PCP4L1: variants seen among roughly 807,000 people sequenced by gnomAD.
The protein encoded by PCP4L1 is Purkinje cell protein 4 like 1.
Under a neutral mutation model 9.6 loss-of-function variants are expected in PCP4L1, and 9 were observed. That is an observed-to-expected ratio of 0.94 (90% CI 0.57 to 1.64). The LOEUF (loss-of-function observed/expected upper bound fraction) is 1.64. Ranked by LOEUF, PCP4L1 falls within the 40% of genes most tolerant of loss-of-function variation. The pLI is 0.00. For missense variants in PCP4L1, 81 were observed against 80.8 expected, an observed-to-expected ratio of 1.00 and a Z score of -0.01; for synonymous variants, 31 against 28.2, an observed-to-expected ratio of 1.10 and a Z score of -0.31.
intron 1 of PCP4L1, among the ~76,000 whole-genome samples, chr1:161,281,670 C>G (rs201591090): frequency 1.4e-5 from 2 of 144,752 alleles, no homozygotes. Flanking sequence ...ACTTCCCAGA[C>G]GGGGTGGCTG....
chr1:161,272,757 GGGAAGCTTTATATGTGAGAGA>G (rs1363301242), intron 1 of PCP4L1, among the ~76,000 whole-genome samples: 15 of 151,894 alleles, frequency 9.9e-5, no homozygotes, highest in African/African-American at 3.1e-4. Flanking sequence ...TAAGGAGAGA[GGGAAGCTTTATATGTGAGAGA>G]GTAAAGGGAA....
intron 1 of PCP4L1, among the ~76,000 whole-genome samples, chr1:161,283,230 C>G (rs907124981): frequency 6.6e-6 from 1 of 152,208 alleles, no homozygotes; most frequent in African/African-American, 2.4e-5. Context: ...GCCTTACTTC[C>G]TCATCTCCTT....
intron 1 of PCP4L1, among the ~76,000 whole-genome samples, chr1:161,276,255 A>C (rs1223982529): frequency 2.0e-5 from 3 of 152,166 alleles, no homozygotes; most frequent in Non-Finnish European, 4.4e-5. Context: ...AAGAGTAACA[A>C]CTGGGTCAGT....
chr1:161,260,791 C>T (rs140136476), intron 1 of PCP4L1, among the ~76,000 whole-genome samples: 4 of 152,304 alleles, frequency 2.6e-5, no homozygotes, highest in Admixed American at 1.3e-4. Flanking sequence ...GAAGGATCCA[C>T]GGATGGAGAC....
intron 1 of PCP4L1, among the ~76,000 whole-genome samples, chr1:161,281,868 T>C (rs374849112): frequency 7.3e-6 from 1 of 136,482 alleles, no homozygotes; most frequent in Non-Finnish European, 1.6e-5. Flanking sequence ...AGACGATGGG[T>C]GGCCGGGCAG....
chr1:161,258,920 G>T lies in PCP4L1; in HGVS notation c.-55G>T. ...AGCTGTCGCCCGCGGAGCCCCGAGG[G>T]CCACTCGCCTCACCTGTGCGTGCAG... is the stretch of plus-strand genomic sequence containing the variant. On this transcript the variant is annotated 5_prime_UTR_variant, in exon 1 of 3. Transcript: ENST00000504449. 3.3e-6 allele frequency: 5 copies of T among 1,535,088 alleles called. No individual in the cohort carries two copies. Among genetic ancestry groups the T allele is most frequent in the East Asian group, 2.4e-5 (1 of 40,864 alleles).
At chr1:161,273,722 G>C (rs574147775) in intron 1 of PCP4L1, among the ~76,000 whole-genome samples, 10 of 152,326 alleles carry the variant, frequency 6.6e-5, no homozygotes, top group African/African-American at 2.4e-4. Context: ...CAGAATCAGG[G>C]TGATTAGATC....
intron 1 of PCP4L1, among the ~76,000 whole-genome samples, chr1:161,279,505 A>T (rs1468376462): frequency 1.3e-5 from 2 of 152,230 alleles, no homozygotes; most frequent in Admixed American, 6.5e-5. Context: ...GAAACAGCAT[A>T]ATCTACAGAA....
chr1:161,272,297 C>T (rs981522280), intron 1 of PCP4L1, among the ~76,000 whole-genome samples: 2 of 150,924 alleles, frequency 1.3e-5, no homozygotes, highest in Non-Finnish European at 2.9e-5. Flanking sequence ...CAGTGGCTCA[C>T]GCCTGTAATC....
chr1:161,281,464 G>C (rs554216668), intron 1 of PCP4L1, among the ~76,000 whole-genome samples: 1 of 150,492 alleles, frequency 6.6e-6, no homozygotes, highest in Non-Finnish European at 1.5e-5. Flanking sequence ...CTGGCCAGGC[G>C]GAGGCGCCCC....
chr1:161,284,978 C>T lies in PCP4L1; in HGVS notation c.*497C>T, dbSNP rs559142002. The T allele has an allele frequency of 1.5e-3, 238 of 159,852 alleles. 2 individuals are homozygous for T. Among genetic ancestry groups the T allele is most frequent in the Non-Finnish European group, 2.8e-3 (203 of 72,088 alleles). 9.9% of individuals were successfully genotyped at this position (159,852 alleles called of 1,614,324 possible). On this transcript the variant is annotated 3_prime_UTR_variant, in exon 3 of 3. Transcript: ENST00000504449. ...TAAGCCACAGTGGGGACTGGAGCCT[C>T]GTTTTCCCCCTAGGCAGACCTAAAT...
intron 2 of PCP4L1, 132 bp downstream of exon 2, chr1:161,283,854 C>A: frequency 1.1e-6 from 1 of 891,980 alleles, no homozygotes; most frequent in Non-Finnish European, 1.7e-6. Context: ...AACAAAGTAC[C>A]AGTTTGGAAC....
chr1:161,259,069 C>A (rs1008296464), intron 1 of PCP4L1, 86 bp downstream of exon 1: 3 of 1,489,202 alleles, frequency 2.0e-6, no homozygotes, highest in Non-Finnish European at 2.7e-6. Flanking sequence ...CGAGGGAGAG[C>A]GAGGCAGACC....
At chr1:161,282,836 T>C (rs1379579912) in intron 1 of PCP4L1, among the ~76,000 whole-genome samples, 1 of 152,156 alleles carries the variant, frequency 6.6e-6, no homozygotes, top group African/African-American at 2.4e-5. Flanking sequence ...ACAAATCATA[T>C]TGGTCATAGC....
intron 1 of PCP4L1, among the ~76,000 whole-genome samples, chr1:161,259,448 T>G (rs1669382527): frequency 6.6e-6 from 1 of 152,166 alleles, no homozygotes. Context: ...GTGCCCCTTT[T>G]AGAAAGGTGG....
Position 161,284,580 on chromosome 1 carries a change from T to C in PCP4L1, c.*99T>C, listed in dbSNP as rs1669877296. The C allele has an allele frequency of 1.4e-6, 2 of 1,479,498 alleles. No individual in the cohort carries two copies. The highest frequency in any genetic ancestry group is 1.3e-5 in the South Asian group (1 of 75,736). 91.6% of individuals were successfully genotyped at this position (1,479,498 alleles called of 1,614,324 possible). ...TATCCCTTGTCCCTCTAGCCTTTCC[T>C]TGAGGCAAGTTCAACCTTTATATAC... is the stretch of plus-strand genomic sequence containing the variant. On this transcript the variant is annotated 3_prime_UTR_variant, in exon 3 of 3. Transcript: ENST00000504449.
At chr1:161,264,526 A>G (rs35477081) in intron 1 of PCP4L1, among the ~76,000 whole-genome samples, 16,648 of 151,350 alleles carry the variant, frequency 0.11, 1,242 homozygotes, top group Non-Finnish European at 0.16. Context: ...GAAAAAAAAG[A>G]AAAAGAAATA....
chr1:161,260,841 A>C (rs1669405076), intron 1 of PCP4L1, among the ~76,000 whole-genome samples: 1 of 152,198 alleles, frequency 6.6e-6, no homozygotes, highest in African/African-American at 2.4e-5. Context: ...CTAGGCTATC[A>C]GAGCAAACTG....
In PCP4L1 at chr1:161,281,809, TCCTCACATCCCGGACGGGGCGGC is replaced by T. The variant is rs1669817771; in HGVS notation, c.10-1858_10-1836del. 6.2e-4 allele frequency among the ~76,000 whole-genome samples: 28 copies of T among 45,358 alleles called. 1 individual carries two copies. Among genetic ancestry groups the T allele is most frequent in the African/African-American group, 3.5e-3 (27 of 7,788 alleles). The allele number at this position is 45,358 out of a possible 152,430, so 29.8% of individuals were successfully genotyped here. A position where few individuals can be genotyped will look rare whatever the true frequency, so the allele number is the denominator to read the frequency against. The stretch of plus-strand genomic sequence containing the variant: ...GGACGGGGCGGCGGGGCAGAGGCGC[TCCTCACATCCCGGACGGGGCGGC>T]GGGGCAGAGGCGCTCCCCACATCTC... On this transcript the variant is annotated intron_variant, in intron 1 of 2. Coordinates refer to ENST00000504449, the MANE Select transcript of PCP4L1 (RefSeq NM_001102566.2).
Sources: allele counts gnomAD v4.1 joint callset (sites outside exome capture counted in the v4.1 genomes callset), GRCh38; gene constraint gnomAD v4.1.1; transcripts MANE v1.5; gene names NCBI Gene and HGNC (gene_info 2026-07-23, HGNC 2026-07-21).